SORCS1: variants seen among roughly 807,000 people sequenced by gnomAD.
The protein encoded by SORCS1 is sortilin related VPS10 domain containing receptor 1.
SORCS1 carries 60 observed loss-of-function variants against 146.1 expected under a neutral mutation model. The ratio of observed to expected loss-of-function variants is 0.41; its 90% CI spans 0.33 to 0.51. SORCS1 has a LOEUF of 0.51. Ranked by LOEUF, SORCS1 falls within the 20% of genes least tolerant of loss-of-function variation. The pLI, the probability that SORCS1 is intolerant of heterozygous loss-of-function variation, is 0.21. For synonymous variants in SORCS1, 637 were observed against 584.0 expected, an observed-to-expected ratio of 1.09 and a Z score of -1.31; for missense variants, 1,352 against 1,487.6, an observed-to-expected ratio of 0.91 and a Z score of 1.50.
At chr10:106,585,789 A>T in intron 24 of SORCS1, among the ~76,000 whole-genome samples, 2 of 152,210 alleles carry the variant, frequency 1.3e-5, no homozygotes, top group East Asian at 3.9e-4. Flanking sequence ...TTCTCTTGGA[A>T]TCCTACCACT....
chr10:107,097,109 C>T (rs1964593131), intron 1 of SORCS1, among the ~76,000 whole-genome samples: 3 of 152,124 alleles, frequency 2.0e-5, no homozygotes, highest in Admixed American at 2.0e-4. Flanking sequence ...GTGATGAATG[C>T]AAGGTTCTGG....
chr10:106,852,795 A>G (rs1949643899), intron 2 of SORCS1, among the ~76,000 whole-genome samples: 1 of 152,116 alleles, frequency 6.6e-6, no homozygotes, highest in Admixed American at 6.5e-5. Flanking sequence ...ACATTAATTG[A>G]TTTTTGAATA....
chr10:107,153,231 A>G (rs1301841214), intron 1 of SORCS1, among the ~76,000 whole-genome samples: 3 of 151,968 alleles, frequency 2.0e-5, no homozygotes, highest in Non-Finnish European at 4.4e-5. Context: ...CAGTGCTCAC[A>G]ATCAGTAAAC....
chr10:107,131,436 C>T (rs1966868986), intron 1 of SORCS1, among the ~76,000 whole-genome samples: 1 of 152,236 alleles, frequency 6.6e-6, no homozygotes, highest in Admixed American at 6.5e-5. Flanking sequence ...AAGCCTCTCT[C>T]TTTTGGCCCG....
chr10:106,805,207 A>C (rs1455369781), intron 3 of SORCS1, among the ~76,000 whole-genome samples: 1 of 152,214 alleles, frequency 6.6e-6, no homozygotes, highest in Non-Finnish European at 1.5e-5. Flanking sequence ...TGGTGTTTAG[A>C]GATAACAAAT....
Position 106,653,245 on chromosome 10 carries a change from T to A in SORCS1, c.2304-692A>T, listed in dbSNP as rs191416233. Reference sequence around the variant, plus strand: ...TATAATTTATCAGATTCATAGAAAATTAAAATGTACAATTTTAGGATGACA... The same window carrying A: ...TATAATTTATCAGATTCATAGAAAAATAAAATGTACAATTTTAGGATGACA... On this transcript the variant is annotated intron_variant, in intron 17 of 25. Coordinates refer to ENST00000263054, the MANE Select transcript of SORCS1 (RefSeq NM_052918.5). Among the ~76,000 whole-genome samples the A allele has an allele frequency of 5.6e-4, 85 of 152,324 alleles. 4 individuals carry two copies. In the East Asian group the frequency reaches 0.013, roughly 24 times the overall value.
chr10:106,618,057 T>A (rs1406479503), intron 21 of SORCS1, 92 bp downstream of exon 21: 1 of 1,536,204 alleles, frequency 6.5e-7, no homozygotes, highest in Non-Finnish European at 8.8e-7. Flanking sequence ...CAGGTAAAAG[T>A]CACAGCTGGG....
intron 2 of SORCS1, among the ~76,000 whole-genome samples, chr10:106,950,187 G>T (rs1292045607): frequency 1.3e-5 from 2 of 152,098 alleles, no homozygotes; most frequent in Non-Finnish European, 2.9e-5. Context: ...AACACAAAAC[G>T]AAACAAAAAT....
chr10:106,854,911 A>T (rs1356163131), intron 2 of SORCS1, among the ~76,000 whole-genome samples: 1 of 152,162 alleles, frequency 6.6e-6, no homozygotes, highest in Admixed American at 6.5e-5. Context: ...TGAGATTACT[A>T]CTCAGAAGAA....
intron 2 of SORCS1, among the ~76,000 whole-genome samples, chr10:106,831,773 C>G (rs1255029128): frequency 2.6e-5 from 4 of 152,146 alleles, no homozygotes; most frequent in Non-Finnish European, 5.9e-5. Context: ...GTCAACACTT[C>G]AGAGGATTTA....
At chr10:106,656,120 T>A (rs1481981374) in intron 17 of SORCS1, among the ~76,000 whole-genome samples, 1 of 152,220 alleles carries the variant, frequency 6.6e-6, no homozygotes, top group Non-Finnish European at 1.5e-5. Context: ...CACCAGTAGA[T>A]AGGATCTTAC....
intron 1 of SORCS1, among the ~76,000 whole-genome samples, chr10:107,092,311 G>A (rs141032789): frequency 3.3e-4 from 51 of 152,304 alleles, no homozygotes; most frequent in African/African-American, 1.1e-3. Context: ...AGACTGACAC[G>A]AGCTCTTTCT....
chr10:106,878,646 A>ATATATATATATATATATATATATATAT (rs1200849744), intron 2 of SORCS1, among the ~76,000 whole-genome samples: 2 of 117,886 alleles, frequency 1.7e-5, no homozygotes, highest in Non-Finnish European at 3.7e-5. Context: ...ATATATATAT[A>ATATATATATATATATATATATATATAT]TATTTTATAG....
rs1158921880 is a variant in SORCS1 at position 106,822,782 on chromosome 10, G to GTTTTTTTTTTTTT, written c.726+6779_726+6791dup. Among the ~76,000 whole-genome samples, 115 of 113,122 alleles carry GTTTTTTTTTTTTT rather than the reference G, an allele frequency of 1.0e-3. 2 individuals carry two copies. The highest frequency in any genetic ancestry group is 3.2e-3 in the African/African-American group (84 of 26,292). 74.2% of individuals were successfully genotyped at this position (113,122 alleles called of 152,430 possible). On this transcript the variant is annotated intron_variant, in intron 3 of 25. Coordinates refer to ENST00000263054, the MANE Select transcript of SORCS1 (RefSeq NM_052918.5). ...CACTATGTCTCTGAATTCATGTGTG[G>GTTTTTTTTTTTTT]TTTTTTTTTTTTTTTTTTTTGAATA...
chr10:107,149,357 T>C (rs1312711344), intron 1 of SORCS1, among the ~76,000 whole-genome samples: 1 of 152,010 alleles, frequency 6.6e-6, no homozygotes, highest in Admixed American at 6.5e-5. Context: ...GAATATTCTA[T>C]TGCATTTTCT....
At chr10:106,643,634 C>T (rs1849216709) in intron 18 of SORCS1, among the ~76,000 whole-genome samples, 1 of 152,240 alleles carries the variant, frequency 6.6e-6, no homozygotes, top group Non-Finnish European at 1.5e-5. Context: ...GAAGCTTTGC[C>T]CACTCAAGTG....
intron 2 of SORCS1, among the ~76,000 whole-genome samples, chr10:106,948,892 C>T (rs978834609): frequency 6.6e-6 from 1 of 151,808 alleles, no homozygotes; most frequent in Non-Finnish European, 1.5e-5. Context: ...ACCTGGGAGG[C>T]GGAGCTTGCA....
At position 107,065,853 on chromosome 10, in the gene SORCS1, C is replaced by T. The variant is rs77650748; in HGVS notation, c.558+98116G>A. On this transcript the variant is annotated intron_variant, in intron 1 of 25. Coordinates refer to ENST00000263054, the MANE Select transcript of SORCS1 (RefSeq NM_052918.5). ...CATTTCATCCATAATCCCATTTAAT[C>T]CTGCCAGAAATGCTAAGGATGAGTA... Among the ~76,000 whole-genome samples the T allele has an allele frequency of 9.8e-3, 1,485 of 152,180 alleles. 30 individuals carry two copies. The highest frequency in any genetic ancestry group is 0.034 in the African/African-American group (1,423 of 41,496).
chr10:106,864,983 A>G (rs1950175061), intron 2 of SORCS1, among the ~76,000 whole-genome samples: 1 of 151,428 alleles, frequency 6.6e-6, no homozygotes, highest in Non-Finnish European at 1.5e-5. Flanking sequence ...GAGGTTTCAA[A>G]CCTCCCTGAG....
Sources: allele counts gnomAD v4.1 joint callset (sites outside exome capture counted in the v4.1 genomes callset), GRCh38; gene constraint gnomAD v4.1.1; transcripts MANE v1.5; gene names NCBI Gene and HGNC (gene_info 2026-07-23, HGNC 2026-07-21).